GUCY1A2: variants seen among roughly 807,000 people sequenced by gnomAD.
GUCY1A2 encodes the protein guanylate cyclase 1 soluble subunit alpha 2.
GUCY1A2 carries 27 observed loss-of-function variants against 63.5 expected under a neutral mutation model. The observed-to-expected ratio is 0.43, with a 90% CI of 0.31 to 0.59. GUCY1A2 has a LOEUF of 0.59. Ranked by LOEUF, GUCY1A2 falls within the 20% of genes least tolerant of loss-of-function variation. The pLI, the probability that GUCY1A2 is intolerant of heterozygous loss-of-function variation, is 0.11. For synonymous variants in GUCY1A2, 364 were observed against 343.5 expected, an observed-to-expected ratio of 1.06 and a Z score of -0.66; for missense variants, 768 against 913.3, an observed-to-expected ratio of 0.84 and a Z score of 2.05.
chr11:106,752,643 G>C (rs561274570), intron 6 of GUCY1A2, among the ~76,000 whole-genome samples: 30 of 152,202 alleles, frequency 2.0e-4, no homozygotes, highest in Middle Eastern at 3.4e-3. Flanking sequence ...AGTTTGCTGA[G>C]AATGATGGTT....
At chr11:106,852,246 T>C (rs922177006) in intron 4 of GUCY1A2, among the ~76,000 whole-genome samples, 20 of 152,058 alleles carry the variant, frequency 1.3e-4, no homozygotes, top group African/African-American at 3.9e-4. Context: ...TACAAGATCA[T>C]GTTGTTTACA....
intron 4 of GUCY1A2, among the ~76,000 whole-genome samples, chr11:106,922,898 C>T (rs910683313): frequency 6.6e-6 from 1 of 151,568 alleles, no homozygotes; most frequent in South Asian, 2.1e-4. Flanking sequence ...ACACAGGCGA[C>T]AGTGGCAACG....
intron 4 of GUCY1A2, among the ~76,000 whole-genome samples, chr11:106,862,346 T>C (rs540105536): frequency 1.2e-4 from 18 of 151,974 alleles, no homozygotes; most frequent in Non-Finnish European, 2.5e-4. Flanking sequence ...AACACATCAA[T>C]AGATAAGTTT....
chr11:106,987,042 T>C (rs1047337330), intron 1 of GUCY1A2, among the ~76,000 whole-genome samples: 8 of 152,092 alleles, frequency 5.3e-5, no homozygotes, highest in African/African-American at 1.7e-4. Flanking sequence ...GAAGTTATGA[T>C]AAGAAGAACC....
chr11:106,772,541 T>A (rs1048051458), intron 6 of GUCY1A2, among the ~76,000 whole-genome samples: 4 of 152,188 alleles, frequency 2.6e-5, no homozygotes, highest in African/African-American at 9.7e-5. Context: ...TGGTTTATTA[T>A]TTTGAATTCT....
At chr11:106,710,178 G>C (rs190054980) in intron 6 of GUCY1A2, among the ~76,000 whole-genome samples, 1 of 14,382 alleles carries the variant, frequency 7.0e-5, no homozygotes, top group Non-Finnish European at 9.9e-5. Flanking sequence ...ATATAATATA[G>C]TTATATATAT....
chr11:106,729,964 A>AT (rs1189239546), intron 6 of GUCY1A2, among the ~76,000 whole-genome samples: 1 of 149,882 alleles, frequency 6.7e-6, no homozygotes, highest in African/African-American at 2.5e-5. Context: ...ATTAGAGTCT[A>AT]TTTTCTACAT....
intron 5 of GUCY1A2, among the ~76,000 whole-genome samples, chr11:106,783,694 A>G (rs931522948): frequency 1.3e-5 from 2 of 152,156 alleles, no homozygotes; most frequent in Admixed American, 6.5e-5. Context: ...TTGTTTAATG[A>G]TTACCTTGTT....
At chr11:106,976,221 C>T in intron 3 of GUCY1A2, among the ~76,000 whole-genome samples, 1 of 151,932 alleles carries the variant, frequency 6.6e-6, no homozygotes, top group Non-Finnish European at 1.5e-5. Context: ...AAATATAAAC[C>T]ATGGAGTTGG....
At position 106,810,040 on chromosome 11, in the gene GUCY1A2, G is replaced by T; in HGVS notation, c.1645C>A (p.Leu549Met). 2 of 1,611,536 alleles carry T rather than the reference G, an allele frequency of 1.2e-6. No homozygotes were observed. Among genetic ancestry groups the T allele is most frequent in the Middle Eastern group, 1.7e-4 (1 of 6,056 alleles). Residue 549 changes from leucine to methionine, a missense_variant, in exon 5 of 8, where the codon CTG (leucine) becomes ATG (methionine). Leu to Met is a conservative substitution (Grantham distance 15). This residue lies in a region of GUCY1A2 where 122 missense variants were observed against 238.1 expected (regional missense o/e 0.51). Coordinates refer to ENST00000526355, the MANE Select transcript of GUCY1A2 (RefSeq NM_000855.3). ...PMQVISMLNE[L>M]YTRFDHQCGF... ...CACTGGTGGTCAAATCTGGTGTACA[G>T]TTCATTCAGCATGCTGATTACTTGC...
intron 4 of GUCY1A2, among the ~76,000 whole-genome samples, chr11:106,879,035 T>C (rs538971325): frequency 1.3e-5 from 2 of 152,220 alleles, no homozygotes; most frequent in South Asian, 2.1e-4. Flanking sequence ...TTCAACACTA[T>C]TTTCTCTACA....
At chr11:106,695,624 T>C (rs1862703931) in intron 7 of GUCY1A2, among the ~76,000 whole-genome samples, 1 of 152,178 alleles carries the variant, frequency 6.6e-6, no homozygotes, top group African/African-American at 2.4e-5. Flanking sequence ...GCTTTGTGCT[T>C]CACTGCTCCA....
At chr11:107,004,626 G>A (rs1233990907) in intron 1 of GUCY1A2, among the ~76,000 whole-genome samples, 1 of 152,064 alleles carries the variant, frequency 6.6e-6, no homozygotes, top group African/African-American at 2.4e-5. Context: ...AATTATAAGA[G>A]GGAAGACAGG....
intron 6 of GUCY1A2, among the ~76,000 whole-genome samples, chr11:106,753,907 T>C (rs549728141): frequency 6.6e-6 from 1 of 152,228 alleles, no homozygotes; most frequent in Admixed American, 6.5e-5. Flanking sequence ...CAGTGGTAGC[T>C]TGATGGGGAT....
At chr11:106,893,974 A>AG (rs1411189568) in intron 4 of GUCY1A2, among the ~76,000 whole-genome samples, 1 of 152,202 alleles carries the variant, frequency 6.6e-6, no homozygotes, top group African/African-American at 2.4e-5. Flanking sequence ...CCACAAGGGA[A>AG]GGGGGAAAAG....
intron 1 of GUCY1A2, among the ~76,000 whole-genome samples, chr11:107,005,619 A>G (rs1364010231): frequency 1.3e-5 from 2 of 152,200 alleles, no homozygotes; most frequent in Non-Finnish European, 2.9e-5. Flanking sequence ...CCCCTACTTC[A>G]TTCATGTGTT....
In GUCY1A2 at chr11:106,681,413, C is replaced by T. The variant is rs112306409; in HGVS notation, c.*6136G>A. 2,458 of 225,528 alleles carry T rather than the reference C, an allele frequency of 0.011. 61 individuals are homozygous for T. The highest frequency in any genetic ancestry group is 0.05 in the African/African-American group (2,237 of 45,016). 14.0% of individuals were successfully genotyped at this position (225,528 alleles called of 1,614,324 possible). A position where few individuals can be genotyped will look rare whatever the true frequency, so the allele number is the denominator to read the frequency against. On this transcript the variant is annotated 3_prime_UTR_variant, in exon 8 of 8. Transcript: ENST00000526355. ...GCTCTACTTCCACTCATTTATCCAT[C>T]CTTAACTTCTTCCTTACTATTATAT...
intron 7 of GUCY1A2, among the ~76,000 whole-genome samples, chr11:106,699,203 T>C (rs1449332335): frequency 6.6e-6 from 1 of 152,202 alleles, no homozygotes; most frequent in Non-Finnish European, 1.5e-5. Context: ...GAAAGGATTA[T>C]TAAAGCTGTG....
intron 4 of GUCY1A2, among the ~76,000 whole-genome samples, chr11:106,874,495 C>T (rs1353593845): frequency 1.3e-5 from 2 of 152,134 alleles, no homozygotes; most frequent in Non-Finnish European, 2.9e-5. Flanking sequence ...TTCTGAATTG[C>T]AGACACTGCA....
Sources: gnomAD v4.1 joint callset for allele counts (sites outside exome capture counted in the v4.1 genomes callset) on GRCh38, gnomAD v4.1.1 for gene constraint, gnomAD v4.1.1 regional missense constraint, MANE v1.5 for transcripts, NCBI Gene and HGNC (gene_info 2026-07-23, HGNC 2026-07-21) for gene names.